CPLX2: variants seen among roughly 807,000 people sequenced by gnomAD.
The protein encoded by CPLX2 is complexin 2, also known as complexin-2.
CPLX2 carries 5 observed loss-of-function variants against 16.3 expected under a neutral mutation model. That is an observed-to-expected ratio of 0.31 (90% CI 0.16 to 0.64). CPLX2 has a LOEUF of 0.64. Among genes scored for constraint, CPLX2 ranks in the 30% least tolerant of loss-of-function variants. The pLI is 0.79. For missense variants in CPLX2, 144 were observed against 181.4 expected (o/e 0.79, Z 1.18); for synonymous variants, 89 against 73.2 (o/e 1.22, Z -1.10).
intron 1 of CPLX2, among the ~76,000 whole-genome samples, chr5:175,875,153 G>A (rs1384903360): frequency 6.6e-6 from 1 of 152,204 alleles, no homozygotes; most frequent in Non-Finnish European, 1.5e-5. Context: ...TGACTGGGAG[G>A]TGAAGATGTG....
At chr5:175,819,478 T>A (rs535071821) in intron 2 of CPLX2, among the ~76,000 whole-genome samples, 42 of 152,304 alleles carry the variant, frequency 2.8e-4, no homozygotes, top group African/African-American at 9.4e-4. Flanking sequence ...AATTTTTATT[T>A]CCCCAAAGAC....
intron 2 of CPLX2, among the ~76,000 whole-genome samples, chr5:175,822,114 TTC>T (rs1416017209): frequency 2.0e-5 from 3 of 152,206 alleles, no homozygotes; most frequent in Non-Finnish European, 4.4e-5. Context: ...CACTTTATAG[TTC>T]TCTGATTCTG....
At chr5:175,829,345 C>A (rs1359210857) in intron 2 of CPLX2, among the ~76,000 whole-genome samples, 2 of 152,224 alleles carry the variant, frequency 1.3e-5, no homozygotes, top group Admixed American at 6.5e-5. Context: ...ACCTGCTCAG[C>A]CATGCTCCCT....
chr5:175,874,758 G>A (rs1490394586), intron 1 of CPLX2, among the ~76,000 whole-genome samples: 1 of 152,136 alleles, frequency 6.6e-6, no homozygotes, highest in African/African-American at 2.4e-5. Flanking sequence ...CTAAAGAAGT[G>A]CACTAAACCA....
intron 2 of CPLX2, among the ~76,000 whole-genome samples, chr5:175,824,790 G>A (rs1051948866): frequency 7.2e-5 from 11 of 152,224 alleles, no homozygotes; most frequent in East Asian, 5.8e-4. Context: ...AAGAGGATCC[G>A]TGGTTTTACA....
chr5:175,836,079 G>C (rs566535324), intron 2 of CPLX2, among the ~76,000 whole-genome samples: 2 of 152,134 alleles, frequency 1.3e-5, no homozygotes. Flanking sequence ...GGCCAGGCGC[G>C]GTGGCTCACG....
At chr5:175,868,823 C>A (rs1388962110), upstream of CPLX2, among the ~76,000 whole-genome samples, 3 of 152,066 alleles carry the variant, frequency 2.0e-5, no homozygotes, top group Admixed American at 2.0e-4. Flanking sequence ...AGAGAAGCAG[C>A]CCCACGTGCT....
intron 1 of CPLX2, among the ~76,000 whole-genome samples, chr5:175,798,345 G>T (rs1243987862): frequency 6.6e-6 from 1 of 152,190 alleles, no homozygotes; most frequent in Non-Finnish European, 1.5e-5. Flanking sequence ...CTGTAAACTT[G>T]TACTGGGGAC....
intron 2 of CPLX2, among the ~76,000 whole-genome samples, chr5:175,862,297 T>C (rs1245593392): frequency 6.6e-6 from 1 of 152,178 alleles, no homozygotes; most frequent in East Asian, 1.9e-4. Context: ...ACCTTAAGTA[T>C]AAAGCTTAGT....
rs748247781 is a variant in CPLX2 at position 175,853,638 on chromosome 5, C to A, written c.-88-25014C>A. Among the ~76,000 whole-genome samples, 129 of 152,306 alleles carry A rather than the reference C, an allele frequency of 8.5e-4. 3 individuals are homozygous for A. The highest frequency in any genetic ancestry group is 2.6e-4 in the Non-Finnish European group (18 of 68,030). ...AAATTATGAAAATAGCAACTTGAAC[C>A]CATAAGAGGAGACGGTACAAAGTCA... On this transcript the variant is annotated intron_variant, in intron 2 of 4. Transcript: ENST00000359546.
intron 2 of CPLX2, among the ~76,000 whole-genome samples, chr5:175,844,675 C>T (rs1299668752): frequency 1.3e-5 from 2 of 152,202 alleles, no homozygotes; most frequent in Admixed American, 1.3e-4. Context: ...GCAGCAAGTG[C>T]GAAGGGCCGG....
intron 2 of CPLX2, among the ~76,000 whole-genome samples, chr5:175,833,156 C>CA (rs945794215): frequency 5.7e-4 from 79 of 137,668 alleles, no homozygotes; most frequent in East Asian, 1.6e-3. Context: ...AACTCCATCT[C>CA]AAAAAAAAAA....
At chr5:175,797,147 A>G (rs1490966169) in intron 1 of CPLX2, among the ~76,000 whole-genome samples, 1 of 152,146 alleles carries the variant, frequency 6.6e-6, no homozygotes, top group Non-Finnish European at 1.5e-5. Context: ...TCCCAACGCT[A>G]GCACCGCGGC....
chr5:175,865,027 C>T (rs1047762978), intron 2 of CPLX2, among the ~76,000 whole-genome samples: 5 of 152,112 alleles, frequency 3.3e-5, no homozygotes, highest in Admixed American at 1.3e-4. Context: ...ATGCATGCCT[C>T]ATTGCCTCCC....
chr5:175,846,328 C>A (rs1380849955), intron 2 of CPLX2, among the ~76,000 whole-genome samples: 1 of 152,008 alleles, frequency 6.6e-6, no homozygotes, highest in African/African-American at 2.4e-5. Flanking sequence ...AAGAGGGCTG[C>A]GTGGAGAGTC....
In CPLX2 at chr5:175,879,065, G is replaced by A; in HGVS notation, c.189G>A (p.Arg63=). ...ARMEAEREKV[R]QQIRDKYGLK... ...TGGAGGCGGAGCGGGAGAAGGTCCGGCAGCAGATCCGAGATAAGGTCAGCT... is the reference window on the plus strand; with the variant it reads ...TGGAGGCGGAGCGGGAGAAGGTCCGACAGCAGATCCGAGATAAGGTCAGCT... Residue 63 remains arginine, a synonymous_variant, in exon 3 of 4, where the codon CGG becomes CGA. Coordinates refer to ENST00000393745, the MANE Select transcript of CPLX2 (RefSeq NM_001008220.2). 2 of 1,578,360 alleles carry A rather than the reference G, an allele frequency of 1.3e-6. No individual in the cohort carries two copies. Among genetic ancestry groups the A allele is most frequent in the Non-Finnish European group, 8.6e-7 (1 of 1,162,734 alleles).
chr5:175,876,959 A>C (rs1256276633), intron 1 of CPLX2, among the ~76,000 whole-genome samples: 3 of 152,232 alleles, frequency 2.0e-5, no homozygotes, highest in African/African-American at 7.2e-5. Flanking sequence ...GAAAGCATGG[A>C]AAGCCTGTTC....
chr5:175,862,475 C>T (rs1409050207), intron 2 of CPLX2, among the ~76,000 whole-genome samples: 1 of 152,164 alleles, frequency 6.6e-6, no homozygotes, highest in African/African-American at 2.4e-5. Flanking sequence ...GAGCAAACAG[C>T]ACGGGCAAAA....
chr5:175,836,173 A>AC (rs1295634497), intron 2 of CPLX2, among the ~76,000 whole-genome samples: 1 of 151,552 alleles, frequency 6.6e-6, no homozygotes, highest in Non-Finnish European at 1.5e-5. Flanking sequence ...ACACGGTGAA[A>AC]CCCCGTCTCT....
Sources: allele counts gnomAD v4.1 joint callset (sites outside exome capture counted in the v4.1 genomes callset), GRCh38; gene constraint gnomAD v4.1.1; transcripts MANE v1.5; gene names NCBI Gene and HGNC (gene_info 2026-07-23, HGNC 2026-07-21).